The following ZBTB20 variants were observed in gnomAD, a reference collection of about 807,000 sequenced individuals.
The protein encoded by ZBTB20 is zinc finger and BTB domain containing 20, also known as zinc finger and BTB domain-containing protein 20.
ZBTB20 carries 9 observed loss-of-function variants against 56.9 expected under a neutral mutation model. That is an observed-to-expected ratio of 0.16 (90% CI 0.10 to 0.28). The LOEUF is 0.28. Ranked by LOEUF, ZBTB20 falls within the 10% of genes least tolerant of loss-of-function variation. The pLI is 1.00. For missense variants in ZBTB20, 655 were observed against 1,003.0 expected, an observed-to-expected ratio of 0.65 and a Z score of 4.69; for synonymous variants, 417 against 420.7, an observed-to-expected ratio of 0.99 and a Z score of 0.11.
intron 6 of ZBTB20, among the ~76,000 whole-genome samples, chr3:114,540,495 T>C (rs2048989461): frequency 6.6e-6 from 1 of 152,104 alleles, no homozygotes; most frequent in African/African-American, 2.4e-5. Flanking sequence ...TCCAATGTAC[T>C]GGTACCAAAC....
intron 4 of ZBTB20, among the ~76,000 whole-genome samples, chr3:114,890,152 T>C (rs754046752): frequency 2.6e-5 from 4 of 152,194 alleles, no homozygotes; most frequent in Non-Finnish European, 4.4e-5. Context: ...ACCAGAGATA[T>C]GTATTAACAG....
At chr3:114,402,393 A>T (rs2718431) in intron 7 of ZBTB20, among the ~76,000 whole-genome samples, 5,368 of 152,246 alleles carry the variant, frequency 0.035, 312 homozygotes, top group African/African-American at 0.12. Context: ...AAAGGCTAAA[A>T]AGGAAAAGAG....
At chr3:114,773,241 A>G (rs1454138663) in intron 5 of ZBTB20, among the ~76,000 whole-genome samples, 4 of 152,202 alleles carry the variant, frequency 2.6e-5, no homozygotes, top group Non-Finnish European at 5.9e-5. Flanking sequence ...GGTAGAGCCA[A>G]TCTAAACTTC....
At chr3:115,023,549 A>G (rs944989393) in intron 2 of ZBTB20, among the ~76,000 whole-genome samples, 1 of 150,780 alleles carries the variant, frequency 6.6e-6, no homozygotes, top group African/African-American at 2.4e-5. Context: ...CTTGATTGCC[A>G]TAAGGAATTG....
intron 3 of ZBTB20, among the ~76,000 whole-genome samples, chr3:114,963,816 T>C (rs942927901): frequency 4.6e-5 from 7 of 152,154 alleles, no homozygotes; most frequent in African/African-American, 1.7e-4. Flanking sequence ...AAGACAAAAC[T>C]TTTGTTTCCT....
chr3:114,367,643 A>G (rs758205315), intron 10 of ZBTB20, among the ~76,000 whole-genome samples: 2 of 152,250 alleles, frequency 1.3e-5, no homozygotes, highest in Non-Finnish European at 2.9e-5. Flanking sequence ...TATAATATTA[A>G]TAACACTCTA....
chr3:114,778,519 T>C (rs1025259667), intron 5 of ZBTB20, among the ~76,000 whole-genome samples: 1 of 152,136 alleles, frequency 6.6e-6, no homozygotes, highest in Non-Finnish European at 1.5e-5. Context: ...CTGAACTCTA[T>C]GATTCTTCTT....
chr3:115,133,147 A>G (rs2084555872), intron 1 of ZBTB20, among the ~76,000 whole-genome samples: 1 of 152,172 alleles, frequency 6.6e-6, no homozygotes, highest in African/African-American at 2.4e-5. Flanking sequence ...AAGTGACAAC[A>G]TCTGGTCAAA....
intron 6 of ZBTB20, among the ~76,000 whole-genome samples, chr3:114,532,620 C>A (rs544088385): frequency 1.3e-5 from 2 of 152,238 alleles, no homozygotes; most frequent in Non-Finnish European, 2.9e-5. Flanking sequence ...GATCTCCCAT[C>A]ACAGAGCTCG....
At chr3:114,575,296 T>G (rs1050468827) in intron 6 of ZBTB20, among the ~76,000 whole-genome samples, 9 of 152,318 alleles carry the variant, frequency 5.9e-5, no homozygotes, top group African/African-American at 9.6e-5. Flanking sequence ...TCTTTTAACA[T>G]GAATAATATG....
At chr3:114,841,960 G>C (rs1225954279) in intron 4 of ZBTB20, among the ~76,000 whole-genome samples, 1 of 152,178 alleles carries the variant, frequency 6.6e-6, no homozygotes, top group Non-Finnish European at 1.5e-5. Context: ...AGACTAGCAA[G>C]GCTGCCTCTA....
chr3:114,621,623 T>A (rs1453899919), intron 6 of ZBTB20, among the ~76,000 whole-genome samples: 1 of 152,170 alleles, frequency 6.6e-6, no homozygotes, highest in Non-Finnish European at 1.5e-5. Flanking sequence ...GATTTGTGTA[T>A]ATCTGCGACT....
At chr3:114,432,013 G>A (rs543293881) in intron 7 of ZBTB20, among the ~76,000 whole-genome samples, 3 of 152,232 alleles carry the variant, frequency 2.0e-5, no homozygotes, top group African/African-American at 7.2e-5. Flanking sequence ...GGAGAATAAC[G>A]GATGTGCAGT....
chr3:115,018,332 AG>A (rs1174391528), intron 2 of ZBTB20, among the ~76,000 whole-genome samples: 2 of 151,550 alleles, frequency 1.3e-5, no homozygotes, highest in African/African-American at 4.8e-5. Context: ...AATTAACCAC[AG>A]ACTATAACGA....
chr3:114,669,398 A>G (rs2061237370), intron 6 of ZBTB20, among the ~76,000 whole-genome samples: 1 of 152,034 alleles, frequency 6.6e-6, no homozygotes, highest in Non-Finnish European at 1.5e-5. Flanking sequence ...AAAAATATAT[A>G]AACTGACAAA....
chr3:114,633,142 C>T (rs1408091818), intron 6 of ZBTB20, among the ~76,000 whole-genome samples: 1 of 152,162 alleles, frequency 6.6e-6, no homozygotes, highest in Non-Finnish European at 1.5e-5. Flanking sequence ...TTCTCAAAAG[C>T]AGGATAGGAA....
In ZBTB20 at chr3:114,680,509, T is replaced by C. The variant is rs1033178692; in HGVS notation, c.-295+13019A>G. The stretch of plus-strand genomic sequence containing the variant: ...AACCAAAAAGCACACTGCATTGATA[T>C]ACTTGGCCAAGTAATGATGTCCAAA... On this transcript the variant is annotated intron_variant, in intron 6 of 11. Coordinates refer to ENST00000675478, the MANE Select transcript of ZBTB20 (RefSeq NM_001348800.3). Among the ~76,000 whole-genome samples, 5 of 152,206 alleles carry C rather than the reference T, an allele frequency of 3.3e-5. No individual in the cohort carries two copies. In the East Asian group the frequency reaches 7.7e-4, roughly 23 times the overall value.
intron 10 of ZBTB20, chr3:114,356,070 A>C (rs1315715644): frequency 6.6e-6 from 1 of 152,240 alleles, no homozygotes; most frequent in African/African-American, 2.4e-5. Context: ...ATACAGAGTC[A>C]GCTTGTGATG....
intron 10 of ZBTB20, among the ~76,000 whole-genome samples, chr3:114,364,075 T>TTC (rs397713303): frequency 6.6e-6 from 1 of 151,802 alleles, no homozygotes; most frequent in African/African-American, 2.4e-5. Context: ...ATTTTTTTTT[T>TTC]CACTAGCATA....
Sources: gnomAD v4.1 joint callset for allele counts (sites outside exome capture counted in the v4.1 genomes callset) on GRCh38, gnomAD v4.1.1 for gene constraint, MANE v1.5 for transcripts, NCBI Gene and HGNC (gene_info 2026-07-23, HGNC 2026-07-21) for gene names.